Variants in HYCC1 observed in about 807,000 individuals in gnomAD.
HYCC1 encodes hyccin.
the HYCC1 span, chr7:22,945,357 AAAAAAAAGACTCAAACCAAGGGG>A: frequency 1.8e-6 from 1 of 541,710 alleles, no homozygotes; most frequent in Admixed American, 3.2e-5. Flanking sequence ...AAGAGGAGGG[AAAAAAAAGACTCAAACCAAGGGG>A]AAAAAATCTT....
At chr7:22,929,711 G>A in the HYCC1 span, among the ~76,000 whole-genome samples, 1 of 152,232 alleles carries the variant, frequency 6.6e-6, no homozygotes, top group Non-Finnish European at 1.5e-5. Flanking sequence ...TGGAGAGGAT[G>A]TGGAGAAATA....
At chr7:23,006,385 G>C in the HYCC1 span, among the ~76,000 whole-genome samples, 1 of 152,000 alleles carries the variant, frequency 6.6e-6, no homozygotes, top group African/African-American at 2.4e-5. Flanking sequence ...TCCCGCCTCA[G>C]CCTCCCAAGT....
chr7:22,933,524 C>T, the HYCC1 span, among the ~76,000 whole-genome samples: 24 of 152,130 alleles, frequency 1.6e-4, no homozygotes, highest in South Asian at 4.8e-3. Flanking sequence ...CATGGTATAG[C>T]ACTTTGGATC....
At chr7:22,966,136 T>A in the HYCC1 span, among the ~76,000 whole-genome samples, 1 of 152,182 alleles carries the variant, frequency 6.6e-6, no homozygotes, top group Non-Finnish European at 1.5e-5. Flanking sequence ...CATTTTGCAA[T>A]AAACAAATAG....
chr7:22,935,769 CT>C, the HYCC1 span: 1 of 152,068 alleles, frequency 6.6e-6, no homozygotes, highest in Non-Finnish European at 1.5e-5. Flanking sequence ...CCACAGCCTC[CT>C]GAGTAGCTGG....
At chr7:22,976,609 T>G in the HYCC1 span, 1 of 844,984 alleles carries the variant, frequency 1.2e-6, no homozygotes, top group African/African-American at 1.7e-5. Flanking sequence ...ACACAACTCA[T>G]TAAACATTAT....
chr7:22,924,453 C>T, the HYCC1 span, among the ~76,000 whole-genome samples: 90 of 152,292 alleles, frequency 5.9e-4, no homozygotes, highest in African/African-American at 1.8e-3. Flanking sequence ...GGGTGACAGA[C>T]GGTACCTGGA....
At chr7:22,963,575 A>C in the HYCC1 span, among the ~76,000 whole-genome samples, 1 of 152,238 alleles carries the variant, frequency 6.6e-6, no homozygotes, top group Admixed American at 6.5e-5. Flanking sequence ...GGACAATATT[A>C]ATGGTCTAAC....
chr7:22,988,174 C>A, the HYCC1 span, among the ~76,000 whole-genome samples: 1 of 152,118 alleles, frequency 6.6e-6, no homozygotes. Flanking sequence ...ATCAGGAATG[C>A]CTACCAAATT....
the HYCC1 span, among the ~76,000 whole-genome samples, chr7:22,969,053 T>C: frequency 6.6e-6 from 1 of 151,988 alleles, no homozygotes; most frequent in Non-Finnish European, 1.5e-5. Context: ...TCTTACCACA[T>C]GGAAGAAGCC....
the HYCC1 span, among the ~76,000 whole-genome samples, chr7:22,967,755 G>C: frequency 6.6e-6 from 1 of 152,164 alleles, no homozygotes; most frequent in Non-Finnish European, 1.5e-5. Flanking sequence ...TATAAAGAAG[G>C]TGAGACCAAA....
At chr7:22,922,930 T>A in the HYCC1 span, among the ~76,000 whole-genome samples, 2 of 152,084 alleles carry the variant, frequency 1.3e-5, no homozygotes, top group African/African-American at 4.8e-5. Context: ...AAAATGAGAA[T>A]TGAAAGAAGA....
the HYCC1 span, among the ~76,000 whole-genome samples, chr7:22,997,847 T>C: frequency 6.6e-6 from 1 of 152,172 alleles, no homozygotes; most frequent in South Asian, 2.1e-4. Context: ...TTATCAAGAA[T>C]AGAACATAGG....
the HYCC1 span, among the ~76,000 whole-genome samples, chr7:22,929,410 C>A: frequency 3.3e-5 from 5 of 152,064 alleles, no homozygotes; most frequent in African/African-American, 1.2e-4. Flanking sequence ...AGGCAACCTA[C>A]AAAATGGGAG....
the HYCC1 span, among the ~76,000 whole-genome samples, chr7:23,010,870 T>C: frequency 6.6e-6 from 1 of 152,214 alleles, no homozygotes; most frequent in East Asian, 1.9e-4. Context: ...CTCCCTTCTT[T>C]ATTTCAGTTC....
the HYCC1 span, among the ~76,000 whole-genome samples, chr7:22,992,181 T>C: frequency 6.6e-6 from 1 of 152,072 alleles, no homozygotes; most frequent in South Asian, 2.1e-4. Context: ...TCTACGAAAG[T>C]ATCCAGATAT....
At chr7:22,903,127 T>C in the HYCC1 span, among the ~76,000 whole-genome samples, 2 of 151,962 alleles carry the variant, frequency 1.3e-5, no homozygotes, top group African/African-American at 4.8e-5. Flanking sequence ...AGTGGGGGAG[T>C]ATAAAATAAA....
the HYCC1 span, chr7:22,941,034 T>A: frequency 6.6e-6 from 1 of 152,040 alleles, no homozygotes; most frequent in South Asian, 2.1e-4. Flanking sequence ...CCCATAGAGC[T>A]CATCTTCATC....
At chr7:22,912,163 T>C in the HYCC1 span, among the ~76,000 whole-genome samples, 476 of 152,282 alleles carry the variant, frequency 3.1e-3, 4 homozygotes, top group African/African-American at 0.011. Context: ...CTCTGGAAAT[T>C]CTCCAAAGCA....
Sources: gnomAD v4.1 joint callset for allele counts (sites outside exome capture counted in the v4.1 genomes callset) on GRCh38, gnomAD v4.1.1 for gene constraint, MANE v1.5 for transcripts, NCBI Gene and HGNC (gene_info 2026-07-23, HGNC 2026-07-21) for gene names.